The following CNGB3 variants were observed in gnomAD, a reference collection of about 807,000 sequenced individuals.
The protein encoded by CNGB3 is cyclic nucleotide-gated channel beta-3.
CNGB3 carries 86 observed loss-of-function variants against 92.8 expected under a neutral mutation model. The ratio of observed to expected loss-of-function variants is 0.93; its 90% CI spans 0.78 to 1.11. CNGB3 has a LOEUF of 1.11. Among genes scored for constraint, CNGB3 ranks in the 50% least tolerant of loss-of-function variants. The pLI, the probability that CNGB3 is intolerant of heterozygous loss-of-function variation, is 0.00. For synonymous variants in CNGB3, 333 were observed against 332.7 expected (o/e 1.00, Z -0.01); for missense variants, 1,026 against 956.8 (o/e 1.07, Z -0.95).
At chr8:86,585,756 A>T (rs75196873) in intron 15 of CNGB3, among the ~76,000 whole-genome samples, 320 of 152,274 alleles carry the variant, frequency 2.1e-3, no homozygotes, top group African/African-American at 7.4e-3. Flanking sequence ...AAGTGGTAGA[A>T]AACTTCATAT....
intron 2 of CNGB3, among the ~76,000 whole-genome samples, chr8:86,733,154 C>T (rs969148367): frequency 3.9e-5 from 6 of 152,004 alleles, no homozygotes; most frequent in Non-Finnish European, 4.4e-5. Flanking sequence ...CCATGAGTAC[C>T]CAGTGTTTAG....
intron 14 of CNGB3, among the ~76,000 whole-genome samples, chr8:86,610,691 T>C (rs907805825): frequency 1.5e-4 from 23 of 152,220 alleles, no homozygotes; most frequent in African/African-American, 4.6e-4. Flanking sequence ...TTTGAACTAC[T>C]CATTTTTCTT....
At chr8:86,621,024 G>T (rs1172927093) in intron 13 of CNGB3, among the ~76,000 whole-genome samples, 3 of 152,170 alleles carry the variant, frequency 2.0e-5, no homozygotes, top group Non-Finnish European at 4.4e-5. Context: ...TTAGCAAGAT[G>T]TGAAGATTTA....
At chr8:86,739,863 T>TA in intron 1 of CNGB3, 127 bp from the exon 2 acceptor site, 1 of 1,117,222 alleles carries the variant, frequency 9.0e-7, no homozygotes, top group Non-Finnish European at 1.3e-6. Flanking sequence ...TATGATGTAC[T>TA]AAAAATGATT....
chr8:86,649,688 T>C, intron 7 of CNGB3, among the ~76,000 whole-genome samples: 1 of 151,708 alleles, frequency 6.6e-6, no homozygotes, highest in East Asian at 1.9e-4. Context: ...CCTGAAACCA[T>C]AAAAATTGTT....
chr8:86,716,767 C>T (rs941019059), intron 3 of CNGB3, among the ~76,000 whole-genome samples: 11 of 152,132 alleles, frequency 7.2e-5, no homozygotes, highest in Admixed American at 7.2e-4. Flanking sequence ...AATAGAACCT[C>T]CTTAAAGCAT....
At chr8:86,743,460 AT>A in intron 1 of CNGB3, 38 bp downstream of exon 1, 1 of 1,612,956 alleles carries the variant, frequency 6.2e-7, no homozygotes. Flanking sequence ...ATAAGAAATG[AT>A]GAAAATCAAG....
intron 6 of CNGB3, chr8:86,658,336 C>A (rs1487995367): frequency 1.3e-5 from 6 of 477,174 alleles, no homozygotes; most frequent in South Asian, 7.8e-5. Flanking sequence ...AGCGGAAGCG[C>A]CTCCTCCTCA....
At chr8:86,709,070 A>G (rs1824703103) in intron 3 of CNGB3, among the ~76,000 whole-genome samples, 1 of 152,226 alleles carries the variant, frequency 6.6e-6, no homozygotes, top group South Asian at 2.1e-4. Flanking sequence ...TTACATGCTT[A>G]TAGAAATGAT....
At chr8:86,600,947 A>T (rs1054515134) in intron 15 of CNGB3, among the ~76,000 whole-genome samples, 6 of 151,904 alleles carry the variant, frequency 3.9e-5, no homozygotes, top group Non-Finnish European at 8.8e-5. Flanking sequence ...CTTACATTTT[A>T]GTAGCTCAGT....
Position 86,644,650 on chromosome 8 carries a change from A to T in CNGB3, c.1027T>A (p.Ser343Thr). ...SFFEFNHHLE[S>T]IMDKAYIYRV... ...TAGATATATGCTTTGTCCATTATAG[A>T]CTCTAGGTGATGATTAAATTCAAAA... is the stretch of plus-strand genomic sequence containing the variant. Residue 343 changes from serine (S) to threonine (T), a missense_variant, in exon 9 of 18, where the codon TCT (serine) becomes ACT (threonine). Transcript: ENST00000320005. 1 of 1,594,568 alleles carries T rather than the reference A, an allele frequency of 6.3e-7. No homozygotes were observed. The highest frequency in any genetic ancestry group is 8.6e-7 in the Non-Finnish European group (1 of 1,167,824).
intron 3 of CNGB3, among the ~76,000 whole-genome samples, chr8:86,705,658 C>T (rs373340569): frequency 8.5e-5 from 13 of 152,082 alleles, no homozygotes; most frequent in Non-Finnish European, 1.5e-4. Flanking sequence ...ATCAGAAACA[C>T]GGCTGACATG....
At chr8:86,661,798 A>G in intron 6 of CNGB3, 1 of 1,581,990 alleles carries the variant, frequency 6.3e-7, no homozygotes, top group South Asian at 1.1e-5. Flanking sequence ...CATATCAACC[A>G]CTTCAATTGC....
chr8:86,611,740 CA>C, intron 13 of CNGB3, 69 bp from the exon 14 acceptor site: 6 of 1,103,666 alleles, frequency 5.4e-6, no homozygotes, highest in Non-Finnish European at 8.3e-6. Flanking sequence ...ATTCAAAACT[CA>C]ATGAAAATAA....
At chr8:86,660,473 G>C (rs954200647) in intron 6 of CNGB3, 32 of 519,768 alleles carry the variant, frequency 6.2e-5, no homozygotes, top group South Asian at 3.9e-4. Context: ...CAATGAGAAA[G>C]ATGAAAGGGA....
intron 7 of CNGB3, among the ~76,000 whole-genome samples, chr8:86,652,194 T>TAA (rs1369281728): frequency 1.3e-5 from 2 of 151,896 alleles, no homozygotes; most frequent in African/African-American, 4.8e-5. Context: ...ATTGAAAAGG[T>TAA]ACAGTTAAAA....
intron 3 of CNGB3, among the ~76,000 whole-genome samples, chr8:86,718,379 A>G (rs13255468): frequency 0.19 from 28,848 of 152,106 alleles, 3,357 homozygotes; most frequent in South Asian, 0.3. Flanking sequence ...TTTCAAGGCT[A>G]CTATGAACAC....
At chr8:86,738,819 C>A (rs28711500) in intron 2 of CNGB3, among the ~76,000 whole-genome samples, 40,625 of 138,848 alleles carry the variant, frequency 0.29, 5,893 homozygotes, top group South Asian at 0.35. Flanking sequence ...CCAGCCTGGG[C>A]GACAGAGCGA....
Position 86,593,971 on chromosome 8 carries a change from G to C in CNGB3, c.1781+10122C>G, listed in dbSNP as rs377493738. ...TGTAGGAAGCCTCCAGTGGGAGCGA[G>C]AACTTGTTGAACATCATCACCTGGT... On this transcript the variant is annotated intron_variant, in intron 15 of 17. Transcript: ENST00000320005. 3.0e-4 allele frequency: 141 copies of C among 475,282 alleles called. No homozygotes were observed. In the East Asian group the frequency reaches 3.4e-3, roughly 11 times the overall value. The allele number at this position is 475,282 out of a possible 1,614,324, so 29.4% of individuals were successfully genotyped here.
Sources: gnomAD v4.1 joint callset for allele counts (sites outside exome capture counted in the v4.1 genomes callset) on GRCh38, gnomAD v4.1.1 for gene constraint, MANE v1.5 for transcripts, NCBI Gene and HGNC (gene_info 2026-07-23, HGNC 2026-07-21) for gene names.